CWC27: variants seen among roughly 807,000 people sequenced by gnomAD.
CWC27 encodes the protein CWC27 spliceosome associated cyclophilin, also known as spliceosome-associated protein CWC27 homolog.
Under a neutral mutation model 63.6 loss-of-function variants are expected in CWC27, and 47 were observed. The observed-to-expected ratio is 0.74, with a 90% CI of 0.58 to 0.94. The LOEUF is 0.94. CWC27 is among the 40% of genes least tolerant of loss of function. The pLI, the probability that CWC27 is intolerant of heterozygous loss-of-function variation, is 0.00. For synonymous variants in CWC27, 175 were observed against 179.8 expected (o/e 0.97, Z 0.22); for missense variants, 495 against 554.3 (o/e 0.89, Z 1.07).
chr5:64,911,085 A>G (rs745803335), intron 11 of CWC27, among the ~76,000 whole-genome samples: 6 of 152,196 alleles, frequency 3.9e-5, no homozygotes, highest in Non-Finnish European at 7.3e-5. Flanking sequence ...GCCATCTTGG[A>G]ACAGACAGCA....
intron 12 of CWC27, among the ~76,000 whole-genome samples, chr5:64,976,426 A>G (rs1006792487): frequency 1.3e-5 from 2 of 152,160 alleles, no homozygotes; most frequent in East Asian, 1.9e-4. Context: ...GAAATAAACA[A>G]TACTATTTTT....
intron 11 of CWC27, among the ~76,000 whole-genome samples, chr5:64,938,780 A>G (rs1323027651): frequency 1.3e-5 from 2 of 151,970 alleles, no homozygotes; most frequent in Non-Finnish European, 2.9e-5. Flanking sequence ...ATAGTCCCAT[A>G]TTTCTTGGAG....
At chr5:64,838,386 A>C (rs1272725273) in intron 10 of CWC27, among the ~76,000 whole-genome samples, 1 of 152,194 alleles carries the variant, frequency 6.6e-6, no homozygotes, top group Non-Finnish European at 1.5e-5. Context: ...ATATACATAT[A>C]GATTATGTAT....
chr5:64,815,854 T>G (rs185402242), intron 10 of CWC27, among the ~76,000 whole-genome samples: 9 of 152,278 alleles, frequency 5.9e-5, no homozygotes, highest in South Asian at 2.1e-4. Flanking sequence ...CATACAACAT[T>G]AAATTGTAAC....
rs988688151 is a variant in CWC27, at chr5:64,792,283, G to A, written c.669+3263G>A. Among the ~76,000 whole-genome samples, 3 of 152,098 alleles carry A rather than the reference G, an allele frequency of 2.0e-5. No individual in the cohort carries two copies. In the East Asian group the frequency reaches 5.8e-4, roughly 29 times the overall value. ...CACTAAATTAGAATTTCCAAGCGAG[G>A]GGCCTGGGAAGCTGTACTTTTAATG... On this transcript the variant is annotated intron_variant, in intron 7 of 13. Coordinates refer to ENST00000381070, the MANE Select transcript of CWC27 (RefSeq NM_005869.4).
chr5:64,985,764 C>A (rs1249833161), intron 13 of CWC27, among the ~76,000 whole-genome samples: 1 of 152,170 alleles, frequency 6.6e-6, no homozygotes, highest in African/African-American at 2.4e-5. Context: ...ACTGCTCTGG[C>A]TAAGACTTCC....
At chr5:64,830,037 T>A (rs13355137) in intron 10 of CWC27, among the ~76,000 whole-genome samples, 10 of 141,916 alleles carry the variant, frequency 7.0e-5, no homozygotes, top group African/African-American at 2.1e-4. Context: ...TTTTTTTTTT[T>A]AATTATACTT....
At chr5:64,969,981 T>A (rs944333895) in intron 11 of CWC27, among the ~76,000 whole-genome samples, 3 of 152,114 alleles carry the variant, frequency 2.0e-5, no homozygotes, top group African/African-American at 7.2e-5. Flanking sequence ...AGAGCAGGGT[T>A]TAAGAATACT....
intron 11 of CWC27, among the ~76,000 whole-genome samples, chr5:64,967,707 T>C (rs1749045071): frequency 6.6e-6 from 1 of 151,954 alleles, no homozygotes; most frequent in South Asian, 2.1e-4. Context: ...ATTGGAACAC[T>C]TGATGTCTGT....
At chr5:64,970,869 A>C (rs1371941286) in intron 11 of CWC27, among the ~76,000 whole-genome samples, 1 of 151,932 alleles carries the variant, frequency 6.6e-6, no homozygotes, top group Non-Finnish European at 1.5e-5. Flanking sequence ...TAACAGACTA[A>C]AGCTTTGGTA....
chr5:64,849,163 T>G (rs899175055), intron 10 of CWC27, among the ~76,000 whole-genome samples: 1 of 151,902 alleles, frequency 6.6e-6, no homozygotes, highest in Admixed American at 6.6e-5. Context: ...GCAGTAGCAC[T>G]TCTGTACACT....
chr5:64,816,710 C>T (rs959538431), intron 10 of CWC27, among the ~76,000 whole-genome samples: 1 of 152,074 alleles, frequency 6.6e-6, no homozygotes, highest in Non-Finnish European at 1.5e-5. Context: ...TGAAATTTCT[C>T]TTATGTGTGG....
chr5:64,880,957 A>G (rs1195780832), intron 10 of CWC27, among the ~76,000 whole-genome samples: 2 of 149,928 alleles, frequency 1.3e-5, no homozygotes, highest in Non-Finnish European at 3.0e-5. Flanking sequence ...TTGGCAGTAT[A>G]TGGTGACATA....
chr5:64,962,656 T>C (rs1020025334), intron 11 of CWC27, among the ~76,000 whole-genome samples: 2 of 152,206 alleles, frequency 1.3e-5, no homozygotes, highest in African/African-American at 4.8e-5. Context: ...ATGCTATTTA[T>C]ATGGTATAGG....
At chr5:64,838,272 G>C (rs149167569) in intron 10 of CWC27, among the ~76,000 whole-genome samples, 1 of 152,060 alleles carries the variant, frequency 6.6e-6, no homozygotes, top group Non-Finnish European at 1.5e-5. Flanking sequence ...CCAAAGATCC[G>C]ATGTTTTTAG....
rs61685920 is a variant in CWC27 at position 64,840,394 on chromosome 5, AATATATATAT to A, written c.938+36036_938+36045del. Among the ~76,000 whole-genome samples the A allele has an allele frequency of 3.1e-3, 61 of 19,494 alleles. 1 individual carries two copies. The highest frequency in any genetic ancestry group is 4.3e-3 in the African/African-American group (24 of 5,530). The allele number at this position is 19,494 out of a possible 152,430, so 12.8% of individuals were successfully genotyped here. On this transcript the variant is annotated intron_variant, in intron 10 of 13. Coordinates refer to ENST00000381070, the MANE Select transcript of CWC27 (RefSeq NM_005869.4). ...AAAAAAAAAAAAAAAAAAAAAAAAA[AATATATATAT>A]ATATATATATATATATATATATATA...
chr5:64,850,150 G>A (rs188251971), intron 10 of CWC27, among the ~76,000 whole-genome samples: 49 of 148,194 alleles, frequency 3.3e-4, no homozygotes, highest in Admixed American at 1.1e-3. Context: ...TAAGCTGGAG[G>A]TATCATACTA....
At chr5:64,803,067 C>T (rs1198959973) in intron 9 of CWC27, among the ~76,000 whole-genome samples, 1 of 152,080 alleles carries the variant, frequency 6.6e-6, no homozygotes, top group Non-Finnish European at 1.5e-5. Context: ...TTGTTGAAAA[C>T]ATTCGTAATT....
chr5:64,774,472 C>A (rs1043639565), intron 1 of CWC27, among the ~76,000 whole-genome samples: 3 of 152,044 alleles, frequency 2.0e-5, no homozygotes, highest in African/African-American at 7.2e-5. Context: ...TTCTTAAATC[C>A]CAAACTTTTT....
Sources: allele counts gnomAD v4.1 joint callset (sites outside exome capture counted in the v4.1 genomes callset), GRCh38; gene constraint gnomAD v4.1.1; transcripts MANE v1.5; gene names NCBI Gene and HGNC (gene_info 2026-07-23, HGNC 2026-07-21).